HIGD1A: variants seen among roughly 807,000 people sequenced by gnomAD.
HIGD1A encodes the protein HIG1 domain family member 1A, mitochondrial.
In HIGD1A, 8 loss-of-function variants were observed where a neutral mutation model predicts 11.3. The observed-to-expected ratio is 0.71, with a 90% CI of 0.42 to 1.28. The LOEUF is 1.28. Ranked by LOEUF, HIGD1A falls within the 50% of genes most tolerant of loss-of-function variation. The pLI, the probability that HIGD1A is intolerant of heterozygous loss-of-function variation, is 0.01. For synonymous variants in HIGD1A, 32 were observed against 38.4 expected, an observed-to-expected ratio of 0.83 and a Z score of 0.62; for missense variants, 107 against 118.8, an observed-to-expected ratio of 0.90 and a Z score of 0.46.
At chr3:42,799,364 T>C (rs1700526701) in intron 1 of HIGD1A, among the ~76,000 whole-genome samples, 1 of 151,864 alleles carries the variant, frequency 6.6e-6, no homozygotes, top group South Asian at 2.1e-4. Context: ...CCATAATTTC[T>C]AATCTGTGGC....
At chr3:42,803,057 A>T (rs1485911211) in intron 1 of HIGD1A, among the ~76,000 whole-genome samples, 1 of 152,212 alleles carries the variant, frequency 6.6e-6, no homozygotes, top group South Asian at 2.1e-4. Flanking sequence ...TTTTCACTAC[A>T]CCACTGCCAG....
intron 2 of HIGD1A, among the ~76,000 whole-genome samples, chr3:42,792,555 T>C (rs528730422): frequency 4.0e-5 from 6 of 151,672 alleles, no homozygotes; most frequent in Non-Finnish European, 5.9e-5. Flanking sequence ...GCACCTGTAG[T>C]CCCAGCTACT....
At chr3:42,804,003 T>A (rs1700603963) in intron 1 of HIGD1A, among the ~76,000 whole-genome samples, 2 of 152,118 alleles carry the variant, frequency 1.3e-5, no homozygotes, top group Admixed American at 1.3e-4. Flanking sequence ...ACCGGAGCGC[T>A]CGCTCTCCTA....
Position 42,783,174 on chromosome 3 carries a change from A to G in HIGD1A, c.*2097T>C, listed in dbSNP as rs2125922679. On this transcript the variant is annotated 3_prime_UTR_variant, in exon 4 of 4. Transcript: ENST00000321331. ...GTGAGGATGACAACAGAATGTAAATATTATATGTCCTCACAAGGTAGGAAT... is the reference window on the plus strand; with the variant it reads ...GTGAGGATGACAACAGAATGTAAATGTTATATGTCCTCACAAGGTAGGAAT... 1.3e-5 allele frequency among the ~76,000 whole-genome samples: 2 copies of G among 152,386 alleles called. 1 individual carries two copies.
chr3:42,795,801 T>C (rs1208898040), intron 1 of HIGD1A, among the ~76,000 whole-genome samples: 2 of 152,088 alleles, frequency 1.3e-5, no homozygotes, highest in African/African-American at 2.4e-5. Flanking sequence ...TCTCCGTGAA[T>C]AGCCCTTTTA....
In HIGD1A at chr3:42,784,043, G is replaced by A. The variant is rs558336294; in HGVS notation, c.*1228C>T. 6.3e-5 allele frequency among the ~76,000 whole-genome samples: 9 copies of A among 142,660 alleles called. No individual in the cohort carries two copies. The East Asian group carries it at 1.6e-3, about 26-fold the overall frequency. The allele number at this position is 142,660 out of a possible 152,430, so 93.6% of individuals were successfully genotyped here. A position where few individuals can be genotyped will look rare whatever the true frequency, so the allele number is the denominator to read the frequency against. ...GTGAGCCAAGATCGTGCCACTGCAC[G>A]CCAGCCAAGATGACAGAGAATAACT... On this transcript the variant is annotated 3_prime_UTR_variant, in exon 4 of 4. Transcript: ENST00000321331.
At chr3:42,803,216 A>C (rs1700591286) in intron 1 of HIGD1A, among the ~76,000 whole-genome samples, 1 of 152,238 alleles carries the variant, frequency 6.6e-6, no homozygotes, top group Non-Finnish European at 1.5e-5. Context: ...GCTTAGTAAG[A>C]CACGACTGAA....
At position 42,785,417 on chromosome 3, in the gene HIGD1A, T is replaced by TA. The variant is rs1296737881; in HGVS notation, c.233-98dup. ...AAATAGCTGAAAGTAGCACCACTGC[T>TA]AGCATGGAATATTTACAAGGGGAAT... On this transcript the variant is annotated intron_variant, in intron 3 of 3. Transcript: ENST00000321331. 4.5e-6 allele frequency: 4 copies of TA among 891,388 alleles called. No individual in the cohort carries two copies. The African/African-American group carries it at 6.7e-5, about 15-fold the overall frequency. 55.2% of individuals were successfully genotyped at this position (891,388 alleles called of 1,614,324 possible). A position where few individuals can be genotyped will look rare whatever the true frequency, so the allele number is the denominator to read the frequency against.
At position 42,785,324 on chromosome 3, in the gene HIGD1A, A is replaced by G; in HGVS notation, c.233-4T>C. 1 of 1,606,970 alleles carries G rather than the reference A, an allele frequency of 6.2e-7. No individual in the cohort carries two copies. The highest frequency in any genetic ancestry group is 8.5e-7 in the Non-Finnish European group (1 of 1,175,924). ...CGATACATGGAATAGCCCATACCTA[A>G]AGAAAAAGAATGCTAGTTAAGCATT... is the stretch of plus-strand genomic sequence containing the variant. On this transcript the variant is annotated splice_region_variant and splice_polypyrimidine_tract_variant and intron_variant, in intron 3 of 3. Coordinates refer to ENST00000321331, the MANE Select transcript of HIGD1A (RefSeq NM_014056.4).
In HIGD1A at chr3:42,794,238, C is replaced by G. The variant is rs779074612; in HGVS notation, c.16G>C (p.Gly6Arg). Residue 6 changes from glycine (G) to arginine (R), a missense_variant, in exon 2 of 4, where the codon GGT (glycine) becomes CGT (arginine). Gly to Arg is a moderately radical substitution (Grantham distance 125). Transcript: ENST00000321331. The stretch of plus-strand genomic sequence containing the variant: ...TCCTCATATGAAGGAAGGGAAACAC[C>G]TGTGTCTGTTGACATAGTGATTGCT... MSTDT[G>R]VSLPSYEEDQ... 1.0e-5 allele frequency: 16 copies of G among 1,603,734 alleles called. No individual in the cohort carries two copies. Among genetic ancestry groups the G allele is most frequent in the Non-Finnish European group, 1.4e-5 (16 of 1,177,058 alleles).
chr3:42,796,458 A>G (rs1482892023), intron 1 of HIGD1A, among the ~76,000 whole-genome samples: 7 of 150,592 alleles, frequency 4.6e-5, no homozygotes, highest in African/African-American at 1.7e-4. Context: ...AAAAAAAAAG[A>G]GAAATCATGT....
intron 3 of HIGD1A, 79 bp downstream of exon 3, chr3:42,785,949 T>C: frequency 3.7e-6 from 5 of 1,348,974 alleles, no homozygotes; most frequent in Non-Finnish European, 5.3e-6. Context: ...AAAGGTCAGC[T>C]AAAAATATTT....
intron 2 of HIGD1A, among the ~76,000 whole-genome samples, chr3:42,791,360 C>A (rs1466381349): frequency 6.6e-6 from 1 of 151,986 alleles, no homozygotes. Flanking sequence ...AACATTAATA[C>A]CTAAAATACA....
chr3:42,802,832 A>G (rs188004278), intron 1 of HIGD1A, among the ~76,000 whole-genome samples: 29 of 152,350 alleles, frequency 1.9e-4, no homozygotes, highest in African/African-American at 6.5e-4. Flanking sequence ...GATTGACGAT[A>G]TATTGCCAAA....
intron 1 of HIGD1A, among the ~76,000 whole-genome samples, chr3:42,802,215 T>A (rs962992124): frequency 6.6e-6 from 1 of 152,148 alleles, no homozygotes; most frequent in Non-Finnish European, 1.5e-5. Flanking sequence ...CTTTCCTGTA[T>A]ATAAATCAAG....
chr3:42,787,238 G>A (rs1700362736), intron 2 of HIGD1A, among the ~76,000 whole-genome samples: 1 of 151,956 alleles, frequency 6.6e-6, no homozygotes, highest in South Asian at 2.1e-4. Flanking sequence ...GTTTGACAAT[G>A]TAAAGATAAC....
At chr3:42,800,051 G>A (rs1371424897) in intron 1 of HIGD1A, among the ~76,000 whole-genome samples, 1 of 152,154 alleles carries the variant, frequency 6.6e-6, no homozygotes, top group Non-Finnish European at 1.5e-5. Context: ...TCTCGGGCAG[G>A]TGCGGTGGCT....
chr3:42,801,737 G>C (rs1435598714), intron 1 of HIGD1A, among the ~76,000 whole-genome samples: 1 of 152,136 alleles, frequency 6.6e-6, no homozygotes, highest in Non-Finnish European at 1.5e-5. Flanking sequence ...TTGCAACACA[G>C]GGGACAAAAC....
chr3:42,796,415 T>G (rs1700499724), intron 1 of HIGD1A, among the ~76,000 whole-genome samples: 1 of 149,280 alleles, frequency 6.7e-6, no homozygotes, highest in African/African-American at 2.4e-5. Flanking sequence ...AAGTAATTAA[T>G]CGTTCAAAAA....
Sources: gnomAD v4.1 joint callset for allele counts (sites outside exome capture counted in the v4.1 genomes callset) on GRCh38, gnomAD v4.1.1 for gene constraint, MANE v1.5 for transcripts, NCBI Gene and HGNC (gene_info 2026-07-23, HGNC 2026-07-21) for gene names.